Variants in GABBR2 observed in about 807,000 individuals in gnomAD.
The protein encoded by GABBR2 is gamma-aminobutyric acid type B receptor subunit 2, also known as G-protein coupled receptor 51.
A neutral mutation model predicts 105.6 loss-of-function variants in GABBR2; 23 were observed. The ratio of observed to expected loss-of-function variants is 0.22; its 90% CI spans 0.16 to 0.31. The LOEUF is 0.31. Among genes scored for constraint, GABBR2 ranks in the 10% least tolerant of loss-of-function variants. GABBR2 has a pLI of 1.00. For missense variants in GABBR2, 734 were observed against 1,245.5 expected, an observed-to-expected ratio of 0.59 and a Z score of 6.18; for synonymous variants, 478 against 499.7, an observed-to-expected ratio of 0.96 and a Z score of 0.58.
At chr9:98,576,904 TTGGATGGATGGATGGATGGATGGA>T (rs71369567) in intron 2 of GABBR2, among the ~76,000 whole-genome samples, 3 of 99,518 alleles carry the variant, frequency 3.0e-5, no homozygotes, top group African/African-American at 6.0e-5. Flanking sequence ...AAAATATTTG[TTGGATGGATGGATGGATGGATGGA>T]TGGATGGATG....
chr9:98,451,964 A>G (rs1447013380), intron 7 of GABBR2, among the ~76,000 whole-genome samples: 2 of 152,190 alleles, frequency 1.3e-5, no homozygotes, highest in Non-Finnish European at 2.9e-5. Flanking sequence ...TTTTTCACTA[A>G]AGGTCACAGA....
At chr9:98,667,506 C>A (rs1830351762) in intron 1 of GABBR2, among the ~76,000 whole-genome samples, 1 of 152,246 alleles carries the variant, frequency 6.6e-6, no homozygotes, top group South Asian at 2.1e-4. Context: ...CCAGGGGCAG[C>A]CCACATCCAG....
intron 13 of GABBR2, among the ~76,000 whole-genome samples, chr9:98,337,631 G>C (rs1207312920): frequency 1.3e-5 from 2 of 152,176 alleles, no homozygotes; most frequent in Non-Finnish European, 2.9e-5. Context: ...CATAAGGATA[G>C]ACATATAAAT....
At chr9:98,507,466 C>G (rs890828255) in intron 3 of GABBR2, among the ~76,000 whole-genome samples, 8 of 152,168 alleles carry the variant, frequency 5.3e-5, no homozygotes, top group Non-Finnish European at 1.0e-4. Flanking sequence ...AGGAAACATT[C>G]TCCCCTAAAG....
At chr9:98,508,780 C>T (rs1370343081) in intron 3 of GABBR2, among the ~76,000 whole-genome samples, 2 of 143,908 alleles carry the variant, frequency 1.4e-5, no homozygotes, top group Non-Finnish European at 1.5e-5. Context: ...GAAACTCCAA[C>T]TGGGTGGAGC....
At chr9:98,361,628 G>A (rs1831584821) in intron 13 of GABBR2, among the ~76,000 whole-genome samples, 1 of 152,186 alleles carries the variant, frequency 6.6e-6, no homozygotes, top group Non-Finnish European at 1.5e-5. Context: ...TAGCCTGTCT[G>A]CTCGAGTGGA....
chr9:98,513,662 A>G (rs1465954096), intron 3 of GABBR2, among the ~76,000 whole-genome samples: 1 of 152,238 alleles, frequency 6.6e-6, no homozygotes, highest in Non-Finnish European at 1.5e-5. Context: ...AAAAATGCTC[A>G]TCATCACTGG....
intron 13 of GABBR2, among the ~76,000 whole-genome samples, chr9:98,312,453 T>C (rs1344912880): frequency 6.6e-6 from 1 of 152,202 alleles, no homozygotes; most frequent in African/African-American, 2.4e-5. Flanking sequence ...GGGGGACGCG[T>C]TGGCACTCTG....
chr9:98,483,360 CATGA>C (rs1826973635), intron 4 of GABBR2, among the ~76,000 whole-genome samples: 1 of 152,178 alleles, frequency 6.6e-6, no homozygotes, highest in Non-Finnish European at 1.5e-5. Context: ...GCACCCTTGC[CATGA>C]ATCCTGCCCC....
At chr9:98,418,577 A>G (rs188975841) in intron 7 of GABBR2, among the ~76,000 whole-genome samples, 74 of 152,318 alleles carry the variant, frequency 4.9e-4, no homozygotes, top group African/African-American at 1.8e-3. Flanking sequence ...AATCCAAAAA[A>G]CAAAAAACAA....
chr9:98,359,217 C>G (rs191743524), intron 13 of GABBR2, among the ~76,000 whole-genome samples: 3 of 152,164 alleles, frequency 2.0e-5, no homozygotes, highest in Admixed American at 2.0e-4. Flanking sequence ...CAATTGAGGC[C>G]AGGAGTTTGA....
At chr9:98,372,429 C>T (rs114339457) in intron 11 of GABBR2, among the ~76,000 whole-genome samples, 1,566 of 152,358 alleles carry the variant, frequency 0.01, 24 homozygotes, top group African/African-American at 0.036. Context: ...AGAAAAGCCA[C>T]GTGCCCCATG....
At chr9:98,609,302 C>A (rs139871988) in intron 1 of GABBR2, among the ~76,000 whole-genome samples, 2 of 152,138 alleles carry the variant, frequency 1.3e-5, no homozygotes, top group South Asian at 2.1e-4. Flanking sequence ...ACCTCAGGTG[C>A]CCTACATCAC....
At chr9:98,328,786 T>C (rs958684400) in intron 13 of GABBR2, among the ~76,000 whole-genome samples, 6 of 152,032 alleles carry the variant, frequency 3.9e-5, no homozygotes, top group African/African-American at 1.4e-4. Context: ...CCCTGGACAA[T>C]AAACACATCA....
intron 1 of GABBR2, among the ~76,000 whole-genome samples, chr9:98,578,682 A>G (rs1315112663): frequency 6.6e-6 from 1 of 152,190 alleles, no homozygotes; most frequent in East Asian, 1.9e-4. Flanking sequence ...AGTATCATTC[A>G]TGATAGCCAA....
At chr9:98,677,810 G>GCT (rs1199093895) in intron 1 of GABBR2, among the ~76,000 whole-genome samples, 1 of 151,710 alleles carries the variant, frequency 6.6e-6, no homozygotes, top group Non-Finnish European at 1.5e-5. Flanking sequence ...CCTTCACAGG[G>GCT]CTCTCTCTCT....
intron 17 of GABBR2, 31 bp downstream of exon 17, chr9:98,299,193 C>T (rs1830428575): frequency 6.2e-7 from 1 of 1,605,404 alleles, no homozygotes; most frequent in Non-Finnish European, 8.5e-7. Flanking sequence ...ACCAAGGTCC[C>T]TACCACATTC....
intron 11 of GABBR2, among the ~76,000 whole-genome samples, chr9:98,382,049 G>T (rs797011248): frequency 5.9e-5 from 9 of 152,168 alleles, no homozygotes; most frequent in African/African-American, 1.9e-4. Flanking sequence ...TTTCTGGGAA[G>T]GAGAGAGTTT....
chr9:98,588,768 C>T (rs1045047386), intron 1 of GABBR2, among the ~76,000 whole-genome samples: 4 of 152,276 alleles, frequency 2.6e-5, no homozygotes, highest in East Asian at 1.9e-4. Context: ...GTGTGACCAC[C>T]GAGTTTTGGG....
Sources: allele counts gnomAD v4.1 joint callset (sites outside exome capture counted in the v4.1 genomes callset), GRCh38; gene constraint gnomAD v4.1.1; transcripts MANE v1.5; gene names NCBI Gene and HGNC (gene_info 2026-07-23, HGNC 2026-07-21).